The following PPHLN1 variants were observed in gnomAD, a reference collection of about 807,000 sequenced individuals.
PPHLN1 encodes periphilin 1, also known as periphilin-1.
PPHLN1 carries 29 observed loss-of-function variants against 51.3 expected under a neutral mutation model. That is an observed-to-expected ratio of 0.57 (90% CI 0.42 to 0.77). PPHLN1 has a LOEUF of 0.77. Among genes scored for constraint, PPHLN1 ranks in the 30% least tolerant of loss-of-function variants. PPHLN1 has a pLI of 0.00. For synonymous variants in PPHLN1, 147 were observed against 147.8 expected (o/e 0.99, Z 0.04); for missense variants, 436 against 438.4 (o/e 0.99, Z 0.05).
intron 4 of PPHLN1, among the ~76,000 whole-genome samples, chr12:42,355,925 A>G (rs983002095): frequency 2.0e-5 from 3 of 152,196 alleles, no homozygotes; most frequent in Non-Finnish European, 2.9e-5. Context: ...AAAGTCTATT[A>G]TAAGGCATCT....
chr12:42,373,390 C>T (rs1194694352), intron 4 of PPHLN1, among the ~76,000 whole-genome samples: 1 of 152,142 alleles, frequency 6.6e-6, no homozygotes, highest in African/African-American at 2.4e-5. Flanking sequence ...TGCTTTTTCC[C>T]AGGGAAACTT....
chr12:42,350,948 C>T (rs1254887292), intron 2 of PPHLN1, among the ~76,000 whole-genome samples: 1 of 151,472 alleles, frequency 6.6e-6, no homozygotes, highest in South Asian at 2.1e-4. Context: ...GAGGGAGACC[C>T]TGGAAAGCAG....
intron 2 of PPHLN1, among the ~76,000 whole-genome samples, chr12:42,338,029 C>A (rs926439274): frequency 2.0e-5 from 3 of 152,068 alleles, no homozygotes; most frequent in Admixed American, 2.0e-4. Flanking sequence ...AGTGATCCAC[C>A]CCCCTCAGCC....
chr12:42,396,644 A>AAAAAAAAAAC (rs2078237020), intron 8 of PPHLN1, among the ~76,000 whole-genome samples: 1 of 125,664 alleles, frequency 8.0e-6, no homozygotes, highest in African/African-American at 2.7e-5. Flanking sequence ...AAAAAAAAAA[A>AAAAAAAAAAC]AAAAGCTGGG....
chr12:42,446,481 CAA>C, downstream of PPHLN1: 2 of 1,377,350 alleles, frequency 1.5e-6, no homozygotes, highest in South Asian at 1.4e-5. Flanking sequence ...GAAGGATATG[CAA>C]AAAAAAATCT....
rs774038862 is a variant in PPHLN1, at chr12:42,440,252, TTG to T, written c.910-1059_910-1058del. Among the ~76,000 whole-genome samples, 4 of 152,188 alleles carry T rather than the reference TTG, an allele frequency of 2.6e-5. No homozygotes were observed. The East Asian group carries it at 7.7e-4, about 29-fold the overall frequency. ...TTTTCCAGTGCTAATATAAATGGTG[TTG>T]TGTTTTAGTTTCAAATTACATTTGC... On this transcript the variant is annotated intron_variant, in intron 9 of 9. Transcript: ENST00000358314.
chr12:42,350,650 G>A (rs889879173), intron 2 of PPHLN1, among the ~76,000 whole-genome samples: 2 of 152,134 alleles, frequency 1.3e-5, no homozygotes, highest in Admixed American at 6.5e-5. Flanking sequence ...CGGAGATCAC[G>A]CCACTGCACT....
At chr12:42,343,900 A>G (rs1489235006) in intron 2 of PPHLN1, 2 of 447,146 alleles carry the variant, frequency 4.5e-6, no homozygotes, top group South Asian at 1.6e-5. Flanking sequence ...TTCATTCAAG[A>G]ATCAGTGAGT....
intron 9 of PPHLN1, chr12:42,432,001 GT>G: frequency 6.7e-7 from 1 of 1,487,798 alleles, no homozygotes; most frequent in Non-Finnish European, 9.4e-7. Flanking sequence ...TGATTATCAA[GT>G]ACGCTGTATG....
At chr12:42,331,511 ACAGTGGTTGGATAGCC>A (rs978627642) in intron 1 of PPHLN1, among the ~76,000 whole-genome samples, 12 of 152,238 alleles carry the variant, frequency 7.9e-5, no homozygotes, top group African/African-American at 2.9e-4. Context: ...AGTTAACATA[ACAGTGGTTGGATAGCC>A]CAGTGGAGTG....
chr12:42,413,605 G>A (rs187630558), intron 9 of PPHLN1, among the ~76,000 whole-genome samples: 7 of 150,330 alleles, frequency 4.7e-5, no homozygotes, highest in African/African-American at 1.5e-4. Context: ...TCTCTTGCCC[G>A]GGCTGGAGTG....
chr12:42,409,317 G>A (rs1355324200), intron 9 of PPHLN1, among the ~76,000 whole-genome samples: 1 of 152,106 alleles, frequency 6.6e-6, no homozygotes, highest in African/African-American at 2.4e-5. Flanking sequence ...AAAGAAAAGG[G>A]CAGTGCAGAT....
intron 1 of PPHLN1, among the ~76,000 whole-genome samples, chr12:42,329,226 C>T (rs1330652495): frequency 2.0e-5 from 3 of 151,842 alleles, no homozygotes; most frequent in East Asian, 1.9e-4. Flanking sequence ...CTCAGCCTTC[C>T]GAGTAGCTGG....
At chr12:42,432,365 T>G in intron 9 of PPHLN1, 1 of 742,498 alleles carries the variant, frequency 1.3e-6, no homozygotes, top group Admixed American at 1.8e-5. Flanking sequence ...TTCCTTTAGA[T>G]AAGCAATATG....
chr12:42,441,238 T>G lies in PPHLN1; in HGVS notation c.910-77T>G, dbSNP rs902766051. 2.7e-6 allele frequency: 4 copies of G among 1,472,960 alleles called. No homozygotes were observed. The East Asian group carries it at 9.3e-5, about 34-fold the overall frequency. 91.2% of individuals were successfully genotyped at this position (1,472,960 alleles called of 1,614,324 possible). On this transcript the variant is annotated intron_variant, in intron 9 of 9. Transcript: ENST00000358314. ...TCTCTTTTAGATGTCAGCATCATAA[T>G]TCTGCCAACTCAGTTAGCTAAGTAT...
chr12:42,444,316 A>C (rs1294430472), downstream of PPHLN1: 1 of 151,564 alleles, frequency 6.6e-6, no homozygotes, highest in East Asian at 1.9e-4. Flanking sequence ...ACTACTGATA[A>C]ATTACAGAAC....
At chr12:42,396,615 C>CAAGAA in intron 8 of PPHLN1, among the ~76,000 whole-genome samples, 1 of 85,484 alleles carries the variant, frequency 1.2e-5, no homozygotes, top group Admixed American at 1.3e-4. Context: ...CTTGTCACTA[C>CAAGAA]AAAAAAAAAA....
At chr12:42,364,501 A>C (rs1335894615) in intron 4 of PPHLN1, among the ~76,000 whole-genome samples, 2 of 152,076 alleles carry the variant, frequency 1.3e-5, no homozygotes, top group African/African-American at 4.8e-5. Flanking sequence ...ATGTGGTGGC[A>C]TGCGCTTGGT....
At chr12:42,444,463 ATTGT>A (rs1484952059), downstream of PPHLN1, 1 of 149,900 alleles carries the variant, frequency 6.7e-6, no homozygotes, top group Non-Finnish European at 1.5e-5. Context: ...ACTCAGTCCA[ATTGT>A]TTGTTCTTCC....
Sources: gnomAD v4.1 joint callset for allele counts (sites outside exome capture counted in the v4.1 genomes callset) on GRCh38, gnomAD v4.1.1 for gene constraint, MANE v1.5 for transcripts, NCBI Gene and HGNC (gene_info 2026-07-23, HGNC 2026-07-21) for gene names.